EPHX1: variants seen among roughly 807,000 people sequenced by gnomAD.
EPHX1 encodes the protein epoxide hydrolase 1, also known as epoxide hydratase.
Under a neutral mutation model 43.2 loss-of-function variants are expected in EPHX1, and 40 were observed. The ratio of observed to expected loss-of-function variants is 0.93; its 90% CI spans 0.72 to 1.21. The LOEUF is 1.21. Among genes scored for constraint, EPHX1 ranks in the 50% most tolerant of loss-of-function variants. The pLI, the probability that EPHX1 is intolerant of heterozygous loss-of-function variation, is 0.00. For synonymous variants in EPHX1, 221 were observed against 226.7 expected, an observed-to-expected ratio of 0.98 and a Z score of 0.22; for missense variants, 550 against 570.4, an observed-to-expected ratio of 0.96 and a Z score of 0.36.
intron 3 of EPHX1, among the ~76,000 whole-genome samples, chr1:225,835,858 A>C (rs1667934863): frequency 6.6e-6 from 1 of 152,054 alleles, no homozygotes. Context: ...GACATTGGGC[A>C]TTTATGGTAC....
rs749605870 is a variant in EPHX1 at position 225,845,190 on chromosome 1, A to C, written c.1211A>C (p.Glu404Ala). 1 of 1,613,878 alleles carries C rather than the reference A, an allele frequency of 6.2e-7. No homozygotes were observed. Among genetic ancestry groups the C allele is most frequent in the South Asian group, 1.1e-5 (1 of 91,076 alleles). Reference sequence around the variant, plus strand: ...ACTGGCTTCTCTGCCTTCCCTTTTGAGCTATTGCACACGCCTGAAAAGTGG... The same window carrying C: ...ACTGGCTTCTCTGCCTTCCCTTTTGCGCTATTGCACACGCCTGAAAAGTGG... ...VPTGFSAFPFELLHTPEKWVR... is the reference protein window; with the variant it reads ...VPTGFSAFPFALLHTPEKWVR... The change falls in exon 9 of 9, where the codon GAG becomes GCG. Residue 404 changes from glutamate to alanine, a missense_variant. By Grantham distance (107) the Glu-to-Ala change is moderately radical (BLOSUM62 -1). Transcript: ENST00000272167.
rs770682588 is a variant in EPHX1, at chr1:225,838,672, T to C, written c.383T>C (p.Ile128Thr). ...TKIEGLDIHF[I>T]HVKPPQLPAG... Reference sequence around the variant, plus strand: ...CCCCCAGGGCTGGACATCCACTTCATCCACGTGAAGCCCCCCCAGCTGCCC... The same window carrying C: ...CCCCCAGGGCTGGACATCCACTTCACCCACGTGAAGCCCCCCCAGCTGCCC... Residue 128 changes from isoleucine (I) to threonine (T), a missense_variant, in exon 4 of 9, where the codon ATC becomes ACC. Coordinates refer to ENST00000272167, the MANE Select transcript of EPHX1 (RefSeq NM_001136018.4). 2.5e-6 allele frequency: 4 copies of C among 1,613,852 alleles called. No homozygotes were observed. The highest frequency in any genetic ancestry group is 3.4e-6 in the Non-Finnish European group (4 of 1,179,974).
intron 3 of EPHX1, among the ~76,000 whole-genome samples, chr1:225,833,035 G>A (rs939661807): frequency 5.3e-5 from 8 of 152,302 alleles, no homozygotes; most frequent in African/African-American, 1.7e-4. Flanking sequence ...AGGCTGGAGT[G>A]CAGCGGCTAT....
At chr1:225,844,663 G>A (rs1197972627) in intron 8 of EPHX1, 40 bp downstream of exon 8, 2 of 1,611,566 alleles carry the variant, frequency 1.2e-6, no homozygotes, top group Non-Finnish European at 1.7e-6. Flanking sequence ...CTCTGAGGCT[G>A]GAGGCAGGGG....
At chr1:225,841,850 T>C (rs1443687688) in intron 6 of EPHX1, among the ~76,000 whole-genome samples, 1 of 150,318 alleles carries the variant, frequency 6.7e-6, no homozygotes, top group African/African-American at 2.5e-5. Flanking sequence ...GTGATCCACC[T>C]TTCTCACCCT....
At chr1:225,833,711 C>T (rs1424306395) in intron 3 of EPHX1, among the ~76,000 whole-genome samples, 2 of 150,002 alleles carry the variant, frequency 1.3e-5, no homozygotes, top group African/African-American at 2.5e-5. Flanking sequence ...AGGAGAATGG[C>T]GTGAACCCAG....
intron 6 of EPHX1, among the ~76,000 whole-genome samples, 160 bp from the exon 7 acceptor site, chr1:225,842,206 G>A (rs182587586): frequency 1.5e-4 from 23 of 152,352 alleles, no homozygotes; most frequent in Non-Finnish European, 2.6e-4. Flanking sequence ...TTAAGGAAGC[G>A]AGGCATGTGA....
intron 1 of EPHX1, among the ~76,000 whole-genome samples, chr1:225,818,367 A>T (rs1420180952): frequency 2.0e-5 from 3 of 152,204 alleles, no homozygotes; most frequent in Admixed American, 6.5e-5. Context: ...TGTCAGTCAC[A>T]TAATCACCCT....
chr1:225,845,210 A>AAGTGGGTGAGG lies in EPHX1; in HGVS notation c.1232_1242dup (p.Phe415SerfsTer3). 1.2e-6 allele frequency: 2 copies of AAGTGGGTGAGG among 1,614,114 alleles called. No homozygotes were observed. The highest frequency in any genetic ancestry group is 1.7e-6 in the Non-Finnish European group (2 of 1,180,008). ...TTTTGAGCTATTGCACACGCCTGAA[A>AAGTGGGTGAGG]AGTGGGTGAGGTTCAAGTACCCAAA... On this transcript the variant is annotated frameshift_variant, in exon 9 of 9. Coordinates refer to ENST00000272167, the MANE Select transcript of EPHX1 (RefSeq NM_001136018.4). LOFTEE classifies it high-confidence loss of function.
rs190293170 is a variant in EPHX1, at chr1:225,843,569, C to T, written c.1041-929C>T. ...GGGGGTCTGGCCTGCTCCTTGCACACGGATACCTGGAGCAAGATGTGAGGC... is the reference window on the plus strand; with the variant it reads ...GGGGGTCTGGCCTGCTCCTTGCACATGGATACCTGGAGCAAGATGTGAGGC... On this transcript the variant is annotated intron_variant, in intron 7 of 8. Transcript: ENST00000272167. Among the ~76,000 whole-genome samples the T allele has an allele frequency of 8.6e-4, 131 of 152,266 alleles. 3 individuals carry two copies. Among genetic ancestry groups the T allele is most frequent in the East Asian group, 1.4e-3 (7 of 5,182 alleles).
At chr1:225,844,439 C>T in intron 7 of EPHX1, 59 bp from the exon 8 acceptor site, 1 of 1,613,610 alleles carries the variant, frequency 6.2e-7, no homozygotes, top group Non-Finnish European at 8.5e-7. Flanking sequence ...TTCTGGCTGC[C>T]CTTTGTCACA....
chr1:225,823,714 C>A (rs1258865029), intron 1 of EPHX1, among the ~76,000 whole-genome samples: 1 of 152,170 alleles, frequency 6.6e-6, no homozygotes, highest in Non-Finnish European at 1.5e-5. Context: ...CTTAGTGCCA[C>A]CCCCTCCCCA....
At chr1:225,832,165 CA>C (rs1667642174) in intron 3 of EPHX1, 1 of 611,122 alleles carries the variant, frequency 1.6e-6, no homozygotes, top group Admixed American at 2.5e-5. Flanking sequence ...GGCAGGAACA[CA>C]TACATGCAAT....
At chr1:225,844,674 G>GA in intron 8 of EPHX1, 51 bp downstream of exon 8, 1 of 1,609,882 alleles carries the variant, frequency 6.2e-7, no homozygotes, top group Non-Finnish European at 8.5e-7. Context: ...GAGGCAGGGG[G>GA]ACGGCCAGTC....
At chr1:225,824,688 G>C (rs904483854) in intron 1 of EPHX1, among the ~76,000 whole-genome samples, 4 of 152,216 alleles carry the variant, frequency 2.6e-5, no homozygotes, top group Non-Finnish European at 5.9e-5. Context: ...CAGACGGGGG[G>C]GTGTGGAGCC....
rs533233359 is a variant in EPHX1, at chr1:225,833,529, C to T, written c.364+1570C>T. Among the ~76,000 whole-genome samples the T allele has an allele frequency of 2.1e-4, 32 of 152,226 alleles. No individual in the cohort carries two copies. The South Asian group carries it at 5.2e-3, about 25-fold the overall frequency. On this transcript the variant is annotated intron_variant, in intron 3 of 8. Transcript: ENST00000272167. ...AAGAGAGAGAGGCTGGGCACGGTGGCGCACGCCTGTAATCCCAGCACTTTG... is the reference window on the plus strand; with the variant it reads ...AAGAGAGAGAGGCTGGGCACGGTGGTGCACGCCTGTAATCCCAGCACTTTG...
chr1:225,840,087 G>A (rs1466093863), intron 6 of EPHX1, 50 bp downstream of exon 6: 2 of 1,595,550 alleles, frequency 1.3e-6, no homozygotes, highest in Non-Finnish European at 1.7e-6. Flanking sequence ...CTGGGGCAGG[G>A]AGACACCCGC....
At chr1:225,831,506 C>G (rs994447838) in intron 2 of EPHX1, among the ~76,000 whole-genome samples, 4 of 151,390 alleles carry the variant, frequency 2.6e-5, no homozygotes, top group Non-Finnish European at 5.9e-5. Flanking sequence ...GAGATCACGC[C>G]ACTGCCCTCC....
At chr1:225,832,125 T>G in intron 3 of EPHX1, 166 bp downstream of exon 3, 1 of 730,230 alleles carries the variant, frequency 1.4e-6, no homozygotes, top group Non-Finnish European at 2.4e-6. Context: ...AATATTGCAG[T>G]CACAACAAAT....
Sources: allele counts gnomAD v4.1 joint callset (sites outside exome capture counted in the v4.1 genomes callset), GRCh38; gene constraint gnomAD v4.1.1; transcripts MANE v1.5; gene names NCBI Gene and HGNC (gene_info 2026-07-23, HGNC 2026-07-21).